The following SLC35E3 variants were observed in gnomAD, a reference collection of about 807,000 sequenced individuals.
SLC35E3 encodes the protein bladder cancer-overexpressed gene 1 protein.
A neutral mutation model predicts 30.8 loss-of-function variants in SLC35E3; 28 were observed. That is an observed-to-expected ratio of 0.91 (90% CI 0.67 to 1.25). The LOEUF (loss-of-function observed/expected upper bound fraction) is 1.25, where lower values mean the gene tolerates loss of function less well. Ranked by LOEUF, SLC35E3 falls within the 50% of genes most tolerant of loss-of-function variation. The pLI, the probability that SLC35E3 is intolerant of heterozygous loss-of-function variation, is 0.00. For missense variants in SLC35E3, 365 were observed against 375.4 expected (o/e 0.97, Z 0.23); for synonymous variants, 146 against 149.2 (o/e 0.98, Z 0.16).
In SLC35E3 at chr12:68,778,205, A is replaced by C. The variant is rs962944358; in HGVS notation, c.*13315A>C. 10 of 152,114 alleles carry C rather than the reference A, an allele frequency of 6.6e-5. No homozygotes were observed. The highest frequency in any genetic ancestry group is 2.4e-4 in the African/African-American group (10 of 41,454). 9.4% of individuals were successfully genotyped at this position (152,114 alleles called of 1,614,324 possible). A position where few individuals can be genotyped will look rare whatever the true frequency, so the allele number is the denominator to read the frequency against. ...ATTTGAGGCAAAAAGTGTTAATAGG[A>C]TCAAGATTTTTTTTTTTAAAGAACA... On this transcript the variant is annotated 3_prime_UTR_variant, in exon 5 of 5. Coordinates refer to ENST00000398004, the MANE Select transcript of SLC35E3 (RefSeq NM_018656.5).
At chr12:68,764,007 T>G (rs1879306094) in intron 4 of SLC35E3, among the ~76,000 whole-genome samples, 1 of 152,200 alleles carries the variant, frequency 6.6e-6, no homozygotes, top group Admixed American at 6.6e-5. Flanking sequence ...GTTTGGTGTA[T>G]AGTTGGTGCT....
intron 3 of SLC35E3, among the ~76,000 whole-genome samples, chr12:68,755,389 C>T (rs537988175): frequency 6.6e-6 from 1 of 152,130 alleles, no homozygotes; most frequent in Non-Finnish European, 1.5e-5. Context: ...TTATCAAGCA[C>T]CTATATAGCC....
At position 68,756,131 on chromosome 12, in the gene SLC35E3, G is replaced by A. The variant is rs1415157138; in HGVS notation, c.673-3026G>A. Among the ~76,000 whole-genome samples the A allele has an allele frequency of 2.6e-5, 4 of 151,970 alleles. No homozygotes were observed. The East Asian group carries it at 5.8e-4, about 22-fold the overall frequency. ...ATATACACTTTTTTTCTAAAGTAGAGGTCATTGGACCATCTATCAGATAAT... is the reference window on the plus strand; with the variant it reads ...ATATACACTTTTTTTCTAAAGTAGAAGTCATTGGACCATCTATCAGATAAT... On this transcript the variant is annotated intron_variant, in intron 3 of 4. Coordinates refer to ENST00000398004, the MANE Select transcript of SLC35E3 (RefSeq NM_018656.5).
intron 3 of SLC35E3, among the ~76,000 whole-genome samples, chr12:68,755,902 C>A (rs1226027083): frequency 6.6e-6 from 1 of 152,118 alleles, no homozygotes; most frequent in Admixed American, 6.5e-5. Flanking sequence ...GAACAAACAT[C>A]CAAACTATAT....
Position 68,746,214 on chromosome 12 carries a change from C to T in SLC35E3, c.-164C>T, listed in dbSNP as rs1369833832. The stretch of plus-strand genomic sequence containing the variant: ...TACAGGGCGGCGGCGGGGTGTGTGT[C>T]CTCTGTTAAGAGTGCTACTCGCCCG... On this transcript the variant is annotated 5_prime_UTR_variant, in exon 1 of 5. Transcript: ENST00000398004. 19 of 583,892 alleles carry T rather than the reference C, an allele frequency of 3.3e-5. No homozygotes were observed. The highest frequency in any genetic ancestry group is 3.0e-4 in the South Asian group (11 of 37,280). 36.2% of individuals were successfully genotyped at this position (583,892 alleles called of 1,614,324 possible). A position where few individuals can be genotyped will look rare whatever the true frequency, so the allele number is the denominator to read the frequency against.
rs909519763 is a variant in SLC35E3, at chr12:68,764,615, C to T, written c.756-89C>T. The T allele has an allele frequency of 4.0e-6, 5 of 1,259,170 alleles. No individual in the cohort carries two copies. The Admixed American group carries it at 8.3e-5, about 21-fold the overall frequency. 78.0% of individuals were successfully genotyped at this position (1,259,170 alleles called of 1,614,324 possible). Reference sequence around the variant, plus strand: ...ATTGTTCTTTACATCTGATGGGCTGCTTTTGGGTTGTTTTATGCAGTGCGA... The same window carrying T: ...ATTGTTCTTTACATCTGATGGGCTGTTTTTGGGTTGTTTTATGCAGTGCGA... On this transcript the variant is annotated intron_variant, in intron 4 of 4. Coordinates refer to ENST00000398004, the MANE Select transcript of SLC35E3 (RefSeq NM_018656.5).
chr12:68,749,814 A>C (rs543753204), intron 2 of SLC35E3, among the ~76,000 whole-genome samples: 19 of 152,342 alleles, frequency 1.2e-4, no homozygotes, highest in African/African-American at 4.3e-4. Context: ...CAGTAGGTGC[A>C]TTGTGAGAAG....
chr12:68,766,988 A>C lies in SLC35E3; in HGVS notation c.*2098A>C, dbSNP rs1381073960. ...CTGAAACACTTGGAGTGAACTGCAA[A>C]CTTGGAGTGAACTACATCCAACCTT... On this transcript the variant is annotated 3_prime_UTR_variant, in exon 5 of 5. Transcript: ENST00000398004. 2 of 197,188 alleles carry C rather than the reference A, an allele frequency of 1.0e-5. No homozygotes were observed. Among genetic ancestry groups the C allele is most frequent in the African/African-American group, 4.7e-5 (2 of 42,240 alleles). The allele number at this position is 197,188 out of a possible 1,614,324, so 12.2% of individuals were successfully genotyped here.
At position 68,746,462 on chromosome 12, in the gene SLC35E3, G is replaced by A. The variant is rs752504332; in HGVS notation, c.85G>A (p.Val29Met). ...LFNLLVSICI[V>M]FLNKWIYVYH... ...CAACCTGCTGGTGTCCATCTGCATT[G>A]TGTTCCTCAACAAATGGATTTATGT... is the stretch of plus-strand genomic sequence containing the variant. Residue 29 changes from valine (V) to methionine (M), a missense_variant, in exon 1 of 5, where the codon GTG becomes ATG. Physicochemically the swap from Val to Met is conservative, Grantham distance 21. Coordinates refer to ENST00000398004, the MANE Select transcript of SLC35E3 (RefSeq NM_018656.5). 1.9e-6 allele frequency: 3 copies of A among 1,614,080 alleles called. No individual in the cohort carries two copies. The Admixed American group carries it at 5.0e-5, about 27-fold the overall frequency.
intron 3 of SLC35E3, among the ~76,000 whole-genome samples, chr12:68,758,179 T>C (rs1200080738): frequency 6.6e-6 from 1 of 150,944 alleles, no homozygotes; most frequent in African/African-American, 2.4e-5. Context: ...CCCAGCACTT[T>C]GGGAGGCCGA....
intron 3 of SLC35E3, among the ~76,000 whole-genome samples, chr12:68,758,249 T>C (rs1368682525): frequency 2.0e-5 from 3 of 151,896 alleles, no homozygotes; most frequent in African/African-American, 2.4e-5. Flanking sequence ...GTGAAACCCA[T>C]CTCTACTAAA....
In SLC35E3 at chr12:68,748,020, G is replaced by GT; in HGVS notation, c.495dup (p.Thr166TyrfsTer14). 6.2e-7 allele frequency: 1 copy of GT among 1,603,002 alleles called. No homozygotes were observed. The highest frequency in any genetic ancestry group is 1.1e-5 in the South Asian group (1 of 89,892). On this transcript the variant is annotated frameshift_variant, in exon 2 of 5. Coordinates refer to ENST00000398004, the MANE Select transcript of SLC35E3 (RefSeq NM_018656.5). LOFTEE classifies it high-confidence loss of function. ...GGTGTTTGCTGCTCTTGGTGTTTTA[G>GT]TTACATCCCTTTATCAAGTGGTTGG...
chr12:68,746,481 T>C lies in SLC35E3; in HGVS notation c.104T>C (p.Ile35Thr), dbSNP rs1878567471. Residue 35 changes from isoleucine to threonine, a missense_variant, in exon 1 of 5, where the codon ATT (isoleucine) becomes ACT (threonine). By Grantham distance (89) the Ile-to-Thr change is moderately conservative. Transcript: ENST00000398004. ...TGCATTGTGTTCCTCAACAAATGGA[T>C]TTATGTGTACCACGGCTTCCCCAAC... ...SICIVFLNKW[I>T]YVYHGFPNMS... 1 of 1,614,064 alleles carries C rather than the reference T, an allele frequency of 6.2e-7. No homozygotes were observed. The highest frequency in any genetic ancestry group is 1.3e-5 in the African/African-American group (1 of 74,944).
chr12:68,755,551 A>G (rs1012013229), intron 3 of SLC35E3, among the ~76,000 whole-genome samples: 8 of 152,230 alleles, frequency 5.3e-5, no homozygotes, highest in African/African-American at 1.9e-4. Context: ...TTTATAAAGA[A>G]AAGAGGTTTA....
intron 3 of SLC35E3, among the ~76,000 whole-genome samples, chr12:68,754,781 A>G (rs970651249): frequency 6.6e-6 from 1 of 152,060 alleles, no homozygotes; most frequent in Non-Finnish European, 1.5e-5. Context: ...TTTTTTAGAG[A>G]CAGTGTCTGG....
At position 68,766,232 on chromosome 12, in the gene SLC35E3, A is replaced by T. The variant is rs2136081097; in HGVS notation, c.*1342A>T. Reference sequence around the variant, plus strand: ...CCAATCTCAGTGGCTCACACCTGTAATCCCAGCACTTTGGAAGGTTGAGGC... The same window carrying T: ...CCAATCTCAGTGGCTCACACCTGTATTCCCAGCACTTTGGAAGGTTGAGGC... On this transcript the variant is annotated 3_prime_UTR_variant, in exon 5 of 5. Transcript: ENST00000398004. The T allele has an allele frequency of 6.6e-6, 1 of 152,240 alleles. No homozygotes were observed. The highest frequency in any genetic ancestry group is 2.4e-5 in the African/African-American group (1 of 41,542). The allele number at this position is 152,240 out of a possible 1,614,324, so 9.4% of individuals were successfully genotyped here.
At chr12:68,746,801 A>C in intron 1 of SLC35E3, 22 bp downstream of exon 1, 1 of 1,542,518 alleles carries the variant, frequency 6.5e-7, no homozygotes, top group South Asian at 1.2e-5. Flanking sequence ...CAGCTTCCCA[A>C]GGCGCCGCTC....
chr12:68,755,718 G>A (rs1056017597), intron 3 of SLC35E3, among the ~76,000 whole-genome samples: 3 of 152,070 alleles, frequency 2.0e-5, no homozygotes, highest in Non-Finnish European at 2.9e-5. Flanking sequence ...GGGAGGAAAT[G>A]CCAGTCTCTT....
rs145037115 is a variant in SLC35E3 at position 68,773,886 on chromosome 12, A to C, written c.*8996A>C. 2 of 152,180 alleles carry C rather than the reference A, an allele frequency of 1.3e-5. No homozygotes were observed. Among genetic ancestry groups the C allele is most frequent in the Non-Finnish European group, 2.9e-5 (2 of 68,036 alleles). 9.4% of individuals were successfully genotyped at this position (152,180 alleles called of 1,614,324 possible). A position where few individuals can be genotyped will look rare whatever the true frequency, so the allele number is the denominator to read the frequency against. ...AAATGCCCATTCCTATTCTTTGTTC[A>C]TCTCCACTCTAGAGGCTAGAAATAC... On this transcript the variant is annotated 3_prime_UTR_variant, in exon 5 of 5. Coordinates refer to ENST00000398004, the MANE Select transcript of SLC35E3 (RefSeq NM_018656.5).
Sources: gnomAD v4.1 joint callset for allele counts (sites outside exome capture counted in the v4.1 genomes callset) on GRCh38, gnomAD v4.1.1 for gene constraint, MANE v1.5 for transcripts, NCBI Gene and HGNC (gene_info 2026-07-23, HGNC 2026-07-21) for gene names.